Variants in MCUB observed in about 807,000 individuals in gnomAD.
MCUB encodes mitochondrial calcium uniporter dominant negative subunit beta, also known as calcium uniporter regulatory subunit MCUb, mitochondrial.
MCUB carries 46 observed loss-of-function variants against 41.4 expected under a neutral mutation model. The ratio of observed to expected loss-of-function variants is 1.11; its 90% CI spans 0.88 to 1.42. The LOEUF (loss-of-function observed/expected upper bound fraction) is 1.42, where lower values mean the gene tolerates loss of function less well. MCUB is among the 40% of genes most tolerant of loss of function. The pLI is 0.00. For missense variants in MCUB, 403 were observed against 404.9 expected (o/e 1.00, Z 0.04); for synonymous variants, 148 against 148.2 (o/e 1.00, Z 0.01).
intron 1 of MCUB, among the ~76,000 whole-genome samples, chr4:109,638,585 C>G (rs1438706140): frequency 6.6e-6 from 1 of 152,072 alleles, no homozygotes; most frequent in Non-Finnish European, 1.5e-5. Context: ...GTGGCTGTGG[C>G]AATTCCTTAA....
At chr4:109,657,461 G>A (rs545070823) in intron 1 of MCUB, among the ~76,000 whole-genome samples, 2 of 152,156 alleles carry the variant, frequency 1.3e-5, no homozygotes, top group South Asian at 2.1e-4. Context: ...TATTTTAATA[G>A]TGTACCCTCA....
At position 109,585,385 on chromosome 4, in the gene MCUB, G is replaced by T. The variant is rs183084632; in HGVS notation, c.99+24949G>T. Reference sequence around the variant, plus strand: ...TCTCCTGAATACAGCACACTGATGGGTCTTGAATCTTTATTCAATTTGCCA... The same window carrying T: ...TCTCCTGAATACAGCACACTGATGGTTCTTGAATCTTTATTCAATTTGCCA... On this transcript the variant is annotated intron_variant, in intron 1 of 7. Coordinates refer to ENST00000394650, the MANE Select transcript of MCUB (RefSeq NM_017918.5). 1.0e-3 allele frequency among the ~76,000 whole-genome samples: 158 copies of T among 152,256 alleles called. 1 individual carries two copies. Among genetic ancestry groups the T allele is most frequent in the African/African-American group, 3.7e-3 (153 of 41,536 alleles).
At chr4:109,602,389 A>C (rs1293823975) in intron 1 of MCUB, among the ~76,000 whole-genome samples, 1 of 152,186 alleles carries the variant, frequency 6.6e-6, no homozygotes, top group Non-Finnish European at 1.5e-5. Context: ...GACTTCTGTA[A>C]ACAGCAAGAA....
At chr4:109,615,653 C>T (rs891742771) in intron 1 of MCUB, among the ~76,000 whole-genome samples, 44 of 152,226 alleles carry the variant, frequency 2.9e-4, no homozygotes, top group African/African-American at 9.9e-4. Flanking sequence ...TTGTGATCCG[C>T]CCGCCTCGGC....
At chr4:109,629,278 T>C (rs954507990) in intron 1 of MCUB, among the ~76,000 whole-genome samples, 1 of 152,112 alleles carries the variant, frequency 6.6e-6, no homozygotes. Flanking sequence ...AAGTTAGAGC[T>C]TTTGTCCAGC....
rs117637274 is a variant in MCUB at position 109,635,960 on chromosome 4, G to A, written c.100-23051G>A. ...TTATTTTGGTTTACACTTAGGAGTA[G>A]AATTTCTGGGTCATTAGGTATATGT... On this transcript the variant is annotated intron_variant, in intron 1 of 7. Transcript: ENST00000394650. Among the ~76,000 whole-genome samples, 1,255 of 152,302 alleles carry A rather than the reference G, an allele frequency of 8.2e-3. 35 individuals are homozygous for A. Among genetic ancestry groups the A allele is most frequent in the South Asian group, 0.061 (295 of 4,828 alleles).
At chr4:109,591,943 A>G (rs1579054196) in intron 1 of MCUB, among the ~76,000 whole-genome samples, 1 of 151,454 alleles carries the variant, frequency 6.6e-6, no homozygotes, top group African/African-American at 2.4e-5. Context: ...CAGGTGATCC[A>G]CCTGCCTCAG....
intron 1 of MCUB, among the ~76,000 whole-genome samples, chr4:109,615,468 C>T (rs933119634): frequency 6.7e-5 from 10 of 148,320 alleles, no homozygotes; most frequent in African/African-American, 2.3e-4. Flanking sequence ...TGCAGTGGTG[C>T]GATCTCGGCT....
chr4:109,679,689 C>T (rs1267024909), intron 4 of MCUB, among the ~76,000 whole-genome samples: 4 of 152,094 alleles, frequency 2.6e-5, no homozygotes, highest in Non-Finnish European at 4.4e-5. Context: ...TCTGTGGTAT[C>T]GTGTTATAGA....
At chr4:109,623,924 A>G (rs2126136230) in intron 1 of MCUB, among the ~76,000 whole-genome samples, 1 of 152,306 alleles carries the variant, frequency 6.6e-6, no homozygotes, top group South Asian at 2.1e-4. Context: ...ATCATAGCTC[A>G]CTGTAACCTT....
Position 109,659,084 on chromosome 4 carries a change from A to G in MCUB, c.173A>G (p.Asp58Gly), listed in dbSNP as rs1231268539. ...SHHYSTVVPP[D>G]EITVIYRHGL... ...CATTATAGTACCGTGGTGCCACCTG[A>G]TGGTAAGCTTTCTTACCATTTATTT... Residue 58 changes from aspartate (D) to glycine (G), a missense_variant and splice_region_variant, in exon 2 of 8, where the codon GAT becomes GGT. Physicochemically the swap from Asp to Gly is moderately conservative, Grantham distance 94 (BLOSUM62 -1). Coordinates refer to ENST00000394650, the MANE Select transcript of MCUB (RefSeq NM_017918.5). 3 of 1,468,934 alleles carry G rather than the reference A, an allele frequency of 2.0e-6. No individual in the cohort carries two copies. Among genetic ancestry groups the G allele is most frequent in the Non-Finnish European group, 2.8e-6 (3 of 1,071,500 alleles). The allele number at this position is 1,468,934 out of a possible 1,614,324, so 91.0% of individuals were successfully genotyped here. A position where few individuals can be genotyped will look rare whatever the true frequency, so the allele number is the denominator to read the frequency against.
chr4:109,604,821 T>C (rs1447736823), intron 1 of MCUB, among the ~76,000 whole-genome samples: 1 of 152,196 alleles, frequency 6.6e-6, no homozygotes, highest in Non-Finnish European at 1.5e-5. Context: ...CATTATCACA[T>C]TGATTGATTT....
At chr4:109,604,194 G>C (rs550706646) in intron 1 of MCUB, among the ~76,000 whole-genome samples, 1,842 of 151,112 alleles carry the variant, frequency 0.012, 22 homozygotes, top group Middle Eastern at 0.061. Flanking sequence ...CAGCATGCTC[G>C]TTAAGAGTCA....
At chr4:109,677,218 C>G (rs1729593972) in intron 4 of MCUB, among the ~76,000 whole-genome samples, 1 of 152,188 alleles carries the variant, frequency 6.6e-6, no homozygotes, top group African/African-American at 2.4e-5. Context: ...CCTATTTCTC[C>G]CTTTTGCAGT....
In MCUB at chr4:109,582,560, CAA is replaced by C. The variant is rs35609064; in HGVS notation, c.99+22139_99+22140del. 5.6e-3 allele frequency among the ~76,000 whole-genome samples: 798 copies of C among 143,218 alleles called. 6 individuals are homozygous for C. Among genetic ancestry groups the C allele is most frequent in the Non-Finnish European group, 6.9e-3 (454 of 65,408 alleles). 94.0% of individuals were successfully genotyped at this position (143,218 alleles called of 152,430 possible). ...ATTTAAAAAAAAAATCACAGTTTAACAAAAAAAAAAAAAAAATCCCATTTGTC... is the reference window on the plus strand; with the variant it reads ...ATTTAAAAAAAAAATCACAGTTTAACAAAAAAAAAAAAAATCCCATTTGTC... On this transcript the variant is annotated intron_variant, in intron 1 of 7. Coordinates refer to ENST00000394650, the MANE Select transcript of MCUB (RefSeq NM_017918.5).
rs1409071044 is a variant in MCUB at position 109,662,941 on chromosome 4, A to AT, written c.347-1343dup. 7.2e-5 allele frequency among the ~76,000 whole-genome samples: 11 copies of AT among 152,182 alleles called. No individual in the cohort carries two copies. In the South Asian group the frequency reaches 2.1e-3, roughly 29 times the overall value. Reference sequence around the variant, plus strand: ...ATTGTGTGGGTTGAATTATTTGGCAATTTTTTGGAAAATGATCTCACTGCA... The same window carrying AT: ...ATTGTGTGGGTTGAATTATTTGGCAATTTTTTTGGAAAATGATCTCACTGCA... On this transcript the variant is annotated intron_variant, in intron 3 of 7. Transcript: ENST00000394650.
chr4:109,654,817 G>A (rs1729053015), intron 1 of MCUB, among the ~76,000 whole-genome samples: 1 of 152,144 alleles, frequency 6.6e-6, no homozygotes, highest in Admixed American at 6.5e-5. Context: ...TCTACCCACA[G>A]AACACTCTGG....
chr4:109,663,623 G>T (rs1351648762), intron 3 of MCUB, among the ~76,000 whole-genome samples: 1 of 152,104 alleles, frequency 6.6e-6, no homozygotes, highest in Non-Finnish European at 1.5e-5. Flanking sequence ...GTGATAGCTT[G>T]TGGTGCTATT....
chr4:109,685,320 C>A lies in MCUB; in HGVS notation c.886C>A (p.His296Asn). The change falls in exon 7 of 8, where the codon CAC becomes AAC. Residue 296 changes from histidine (H) to asparagine (N), a missense_variant. Physicochemically the swap from His to Asn is moderately conservative, Grantham distance 68. Transcript: ENST00000394650. ...QFFHKKSKQQ[H>N]FDVQQYNKLK... Reference sequence around the variant, plus strand: ...CTTCCACAAGAAATCAAAGCAACAGCACTTTGATGTGCAGCAATACAACAA... The same window carrying A: ...CTTCCACAAGAAATCAAAGCAACAGAACTTTGATGTGCAGCAATACAACAA... The A allele has an allele frequency of 6.3e-7, 1 of 1,587,640 alleles. No individual in the cohort carries two copies. The highest frequency in any genetic ancestry group is 8.6e-7 in the Non-Finnish European group (1 of 1,156,452).
Sources: gnomAD v4.1 joint callset for allele counts (sites outside exome capture counted in the v4.1 genomes callset) on GRCh38, gnomAD v4.1.1 for gene constraint, MANE v1.5 for transcripts, NCBI Gene and HGNC (gene_info 2026-07-23, HGNC 2026-07-21) for gene names.